The following FER variants were observed in gnomAD, a reference collection of about 807,000 sequenced individuals.
FER encodes FER tyrosine kinase.
Under a neutral mutation model 111.0 loss-of-function variants are expected in FER, and 63 were observed. The ratio of observed to expected loss-of-function variants is 0.57; its 90% CI spans 0.46 to 0.70. FER has a LOEUF of 0.70. Among genes scored for constraint, FER ranks in the 30% least tolerant of loss-of-function variants. The pLI, the probability that FER is intolerant of heterozygous loss-of-function variation, is 0.00. For synonymous variants in FER, 327 were observed against 313.9 expected (o/e 1.04, Z -0.44); for missense variants, 914 against 954.0 (o/e 0.96, Z 0.55).
At position 109,084,221 on chromosome 5, in the gene FER, A is replaced by G. The variant is rs187162143; in HGVS notation, c.1925-16175A>G. On this transcript the variant is annotated intron_variant, in intron 16 of 19. Coordinates refer to ENST00000281092, the MANE Select transcript of FER (RefSeq NM_005246.4). The stretch of plus-strand genomic sequence containing the variant: ...CTTTTAAAAGAGATTAATTTTGCCT[A>G]TTTTTGAACTTTATGTGAATGATAC... 1.0e-3 allele frequency among the ~76,000 whole-genome samples: 158 copies of G among 152,090 alleles called. 1 individual carries two copies. Among genetic ancestry groups the G allele is most frequent in the African/African-American group, 3.5e-3 (146 of 41,508 alleles).
At chr5:108,759,438 C>T (rs1240494398) in intron 1 of FER, among the ~76,000 whole-genome samples, 1 of 152,226 alleles carries the variant, frequency 6.6e-6, no homozygotes, top group African/African-American at 2.4e-5. Context: ...TACCCATTAC[C>T]CAATTCCAGA....
chr5:109,015,733 A>G (rs942779296), intron 13 of FER, among the ~76,000 whole-genome samples: 2 of 152,058 alleles, frequency 1.3e-5, no homozygotes, highest in African/African-American at 4.8e-5. Flanking sequence ...CCTATATTTT[A>G]AAGCAGAAAT....
At chr5:109,020,400 T>C (rs1230214113) in intron 13 of FER, among the ~76,000 whole-genome samples, 2 of 151,978 alleles carry the variant, frequency 1.3e-5, no homozygotes, top group Non-Finnish European at 2.9e-5. Context: ...TTTCTCTTTT[T>C]TAAAGAATCT....
intron 6 of FER, among the ~76,000 whole-genome samples, chr5:108,868,725 A>G (rs1580965991): frequency 6.6e-6 from 1 of 152,100 alleles, no homozygotes; most frequent in African/African-American, 2.4e-5. Flanking sequence ...GTTATCTCTC[A>G]GGTGGAGTTA....
chr5:108,862,153 C>G (rs1763586415), intron 5 of FER, among the ~76,000 whole-genome samples: 1 of 152,102 alleles, frequency 6.6e-6, no homozygotes, highest in African/African-American at 2.4e-5. Flanking sequence ...ACAATAGATT[C>G]TGCATTGGAT....
At chr5:108,779,773 T>G (rs1388136667) in intron 2 of FER, among the ~76,000 whole-genome samples, 5 of 152,154 alleles carry the variant, frequency 3.3e-5, no homozygotes, top group Non-Finnish European at 7.4e-5. Context: ...ATCAGTACAC[T>G]TTAAAAATCT....
At chr5:108,785,586 C>T (rs1370500367) in intron 2 of FER, 14 of 444,242 alleles carry the variant, frequency 3.2e-5, no homozygotes, top group African/African-American at 1.0e-4. Flanking sequence ...AATTAAGAAA[C>T]GAACAAACTG....
chr5:108,827,822 C>CTTTTTT (rs5870331), intron 3 of FER, among the ~76,000 whole-genome samples: 2 of 121,604 alleles, frequency 1.6e-5, no homozygotes, highest in Admixed American at 9.2e-5. Flanking sequence ...GAGTTAGTAT[C>CTTTTTT]TTTTTTTTTT....
intron 17 of FER, among the ~76,000 whole-genome samples, chr5:109,130,542 A>G (rs748050948): frequency 8.5e-5 from 13 of 152,264 alleles, no homozygotes; most frequent in Admixed American, 6.5e-4. Flanking sequence ...AACAGATGAA[A>G]TTAGTTTAAA....
rs79440383 is a variant in FER, at chr5:108,886,490, C to T, written c.1046+2972C>T. On this transcript the variant is annotated intron_variant, in intron 9 of 19. Coordinates refer to ENST00000281092, the MANE Select transcript of FER (RefSeq NM_005246.4). Reference sequence around the variant, plus strand: ...ATGTACATATATATATATGTTAACTCATTGAATGTTATCTTTCTGTGCCTT... The same window carrying T: ...ATGTACATATATATATATGTTAACTTATTGAATGTTATCTTTCTGTGCCTT... Among the ~76,000 whole-genome samples the T allele has an allele frequency of 7.9e-4, 119 of 150,432 alleles. 1 individual carries two copies. The East Asian group carries it at 0.02, about 25-fold the overall frequency.
At position 108,832,948 on chromosome 5, in the gene FER, G is replaced by T; in HGVS notation, c.381+5G>T. 6.5e-7 allele frequency: 1 copy of T among 1,543,916 alleles called. No individual in the cohort carries two copies. ...ATAGAGGCAGAGATGATCAAGGTTC[G>T]TTTTTCCATATTGAAGTTCTTTCTT... On this transcript the variant is annotated splice_donor_5th_base_variant and intron_variant, in intron 4 of 19. Transcript: ENST00000281092.
rs1759097513 is a variant in FER, at chr5:109,188,274, C to T, written c.*699C>T. 6.9e-6 allele frequency: 1 copy of T among 144,090 alleles called. No homozygotes were observed. Among genetic ancestry groups the T allele is most frequent in the South Asian group, 2.2e-4 (1 of 4,518 alleles). 8.9% of individuals were successfully genotyped at this position (144,090 alleles called of 1,614,324 possible). A position where few individuals can be genotyped will look rare whatever the true frequency, so the allele number is the denominator to read the frequency against. ...GTAATCTCATGCCTGGGATTACAGG[C>T]GTGAGCCACAGTGCCCAGCCCCCTC... On this transcript the variant is annotated 3_prime_UTR_variant, in exon 20 of 20. Transcript: ENST00000281092.
intron 13 of FER, among the ~76,000 whole-genome samples, chr5:109,030,972 G>C (rs1005903699): frequency 1.3e-5 from 2 of 151,954 alleles, no homozygotes; most frequent in Non-Finnish European, 2.9e-5. Flanking sequence ...CATTTGTCTG[G>C]GATCTATCTT....
chr5:109,032,233 TAGAG>T (rs1769734486), intron 13 of FER, among the ~76,000 whole-genome samples: 1 of 152,246 alleles, frequency 6.6e-6, no homozygotes, highest in South Asian at 2.1e-4. Flanking sequence ...TTAGAGATGT[TAGAG>T]AGAAGAGAGC....
At chr5:109,036,521 T>G (rs1440495157) in intron 13 of FER, among the ~76,000 whole-genome samples, 1 of 151,964 alleles carries the variant, frequency 6.6e-6, no homozygotes, top group Non-Finnish European at 1.5e-5. Context: ...CCATCTGTCT[T>G]TGTAATGAGG....
chr5:108,813,631 C>G (rs1029141108), intron 3 of FER, among the ~76,000 whole-genome samples: 1 of 152,084 alleles, frequency 6.6e-6, no homozygotes, highest in Non-Finnish European at 1.5e-5. Flanking sequence ...ACTAATCTTA[C>G]TTTTATTCAA....
At chr5:109,087,919 A>C (rs1036629672) in intron 16 of FER, among the ~76,000 whole-genome samples, 3 of 151,890 alleles carry the variant, frequency 2.0e-5, no homozygotes, top group African/African-American at 4.8e-5. Context: ...ATGTTTCAAA[A>C]TCTAATTTTA....
chr5:108,782,400 A>G (rs1351139364), intron 2 of FER, among the ~76,000 whole-genome samples: 2 of 151,946 alleles, frequency 1.3e-5, no homozygotes, highest in Admixed American at 1.3e-4. Context: ...CGTTTCTTAC[A>G]TGCCCAGTAG....
chr5:109,132,696 C>T (rs915789623), intron 17 of FER, among the ~76,000 whole-genome samples: 2 of 152,152 alleles, frequency 1.3e-5, no homozygotes, highest in Admixed American at 1.3e-4. Flanking sequence ...ATGGGGAATA[C>T]AGATCTCTGG....
Sources: allele counts gnomAD v4.1 joint callset (sites outside exome capture counted in the v4.1 genomes callset), GRCh38; gene constraint gnomAD v4.1.1; transcripts MANE v1.5; gene names NCBI Gene and HGNC (gene_info 2026-07-23, HGNC 2026-07-21).